SNX18: variants seen among roughly 807,000 people sequenced by gnomAD.
SNX18 encodes the protein sorting nexin-18.
In SNX18, 35 loss-of-function variants were observed where a neutral mutation model predicts 48.7. The ratio of observed to expected loss-of-function variants is 0.72; its 90% CI spans 0.55 to 0.95. The LOEUF (loss-of-function observed/expected upper bound fraction) is 0.95, where lower values mean the gene tolerates loss of function less well. Ranked by LOEUF, SNX18 falls within the 40% of genes least tolerant of loss-of-function variation. SNX18 has a pLI of 0.00. For missense variants in SNX18, 824 were observed against 871.0 expected (o/e 0.95, Z 0.68); for synonymous variants, 492 against 384.7 (o/e 1.28, Z -3.26).
At chr5:54,526,111 G>A (rs934309970) in intron 1 of SNX18, among the ~76,000 whole-genome samples, 58 of 152,190 alleles carry the variant, frequency 3.8e-4, no homozygotes, top group African/African-American at 1.3e-3. Context: ...GATAAATTAT[G>A]ACAGTTTTTT....
chr5:54,602,315 G>A, the SNX18 span, among the ~76,000 whole-genome samples: 1 of 152,312 alleles, frequency 6.6e-6, no homozygotes, highest in Middle Eastern at 3.4e-3. Context: ...AGAGAGGGCA[G>A]GCAATGGCCA....
chr5:54,586,812 A>G, the SNX18 span, among the ~76,000 whole-genome samples: 1 of 152,204 alleles, frequency 6.6e-6, no homozygotes, highest in African/African-American at 2.4e-5. Context: ...TGAAGCCAGC[A>G]GCAAAGTCAG....
chr5:54,645,046 G>C, the SNX18 span: 2 of 152,296 alleles, frequency 1.3e-5, no homozygotes, highest in Admixed American at 1.3e-4. Context: ...CAGGTGATTT[G>C]CATGCACAGT....
chr5:54,616,095 T>C, the SNX18 span, among the ~76,000 whole-genome samples: 2 of 152,200 alleles, frequency 1.3e-5, no homozygotes, highest in Admixed American at 1.3e-4. Flanking sequence ...CTTAGAGAAC[T>C]TTGCAAGGAA....
At chr5:54,625,607 G>T in the SNX18 span, among the ~76,000 whole-genome samples, 1 of 152,152 alleles carries the variant, frequency 6.6e-6, no homozygotes, top group Non-Finnish European at 1.5e-5. Flanking sequence ...GCATCCCATT[G>T]CTTTTGCTGT....
chr5:54,621,630 CACA>C, the SNX18 span, among the ~76,000 whole-genome samples: 2 of 152,108 alleles, frequency 1.3e-5, no homozygotes, highest in African/African-American at 4.8e-5. Context: ...AGATATCAAG[CACA>C]ACAACGTTAC....
the SNX18 span, among the ~76,000 whole-genome samples, chr5:54,616,837 TG>T: frequency 1.3e-5 from 2 of 152,156 alleles, no homozygotes; most frequent in African/African-American, 4.8e-5. Context: ...CTTCATAACT[TG>T]CCTGTGTTTT....
intron 1 of SNX18, among the ~76,000 whole-genome samples, chr5:54,528,324 T>C (rs1372112773): frequency 1.3e-5 from 2 of 152,162 alleles, no homozygotes; most frequent in East Asian, 1.9e-4. Context: ...CTTGCCCTCA[T>C]GGAAGGCCCA....
At chr5:54,529,549 G>T (rs1056559870) in intron 1 of SNX18, among the ~76,000 whole-genome samples, 3 of 152,140 alleles carry the variant, frequency 2.0e-5, no homozygotes, top group African/African-American at 7.2e-5. Flanking sequence ...TGACAAGCAG[G>T]TTAGGGGAGT....
chr5:54,626,705 C>T, the SNX18 span, among the ~76,000 whole-genome samples: 3 of 152,220 alleles, frequency 2.0e-5, no homozygotes, highest in Non-Finnish European at 4.4e-5. Context: ...CCAGGTAACC[C>T]TCTACACATC....
chr5:54,641,489 G>T, the SNX18 span, among the ~76,000 whole-genome samples: 27 of 152,188 alleles, frequency 1.8e-4, no homozygotes, highest in Non-Finnish European at 3.7e-4. Context: ...GAGCCATTCT[G>T]CCAGGAGTGG....
At chr5:54,539,019 C>G (rs1375495183) in intron 1 of SNX18, among the ~76,000 whole-genome samples, 1 of 152,068 alleles carries the variant, frequency 6.6e-6, no homozygotes, top group East Asian at 1.9e-4. Flanking sequence ...CCTTCATTGA[C>G]CATTTTATAT....
chr5:54,611,171 C>G, the SNX18 span, among the ~76,000 whole-genome samples: 1 of 152,178 alleles, frequency 6.6e-6, no homozygotes, highest in Admixed American at 6.5e-5. Context: ...CAGGCTGCTG[C>G]TAGTCCCTTG....
chr5:54,633,586 T>G, the SNX18 span, among the ~76,000 whole-genome samples: 1 of 152,196 alleles, frequency 6.6e-6, no homozygotes, highest in Non-Finnish European at 1.5e-5. Context: ...TGTGTCTCAG[T>G]TTCTCCATCT....
intron 1 of SNX18, among the ~76,000 whole-genome samples, chr5:54,523,777 C>T (rs1268085337): frequency 2.0e-5 from 3 of 152,144 alleles, no homozygotes; most frequent in African/African-American, 7.2e-5. Context: ...TTCCTTTTAC[C>T]ACTAGTAGAG....
At chr5:54,607,790 C>CGG in the SNX18 span, among the ~76,000 whole-genome samples, 1 of 151,982 alleles carries the variant, frequency 6.6e-6, no homozygotes, top group African/African-American at 2.4e-5. Flanking sequence ...AAAAATTAAC[C>CGG]GGGCGTGGTG....
chr5:54,550,168 G>T (rs1402497970), downstream of SNX18, among the ~76,000 whole-genome samples: 2 of 152,180 alleles, frequency 1.3e-5, no homozygotes, highest in Non-Finnish European at 2.9e-5. Context: ...TTACCCAGAT[G>T]CTAACTACAT....
chr5:54,557,549 T>C, the SNX18 span, among the ~76,000 whole-genome samples: 2 of 152,184 alleles, frequency 1.3e-5, no homozygotes, highest in South Asian at 4.1e-4. Context: ...TGATTCCACT[T>C]ATATGAGGTG....
At chr5:54,633,050 G>A in the SNX18 span, among the ~76,000 whole-genome samples, 1 of 152,114 alleles carries the variant, frequency 6.6e-6, no homozygotes, top group Admixed American at 6.6e-5. Flanking sequence ...TGGGATTACA[G>A]GTGAGCCACT....
Sources: allele counts gnomAD v4.1 joint callset (sites outside exome capture counted in the v4.1 genomes callset), GRCh38; gene constraint gnomAD v4.1.1; transcripts MANE v1.5; gene names NCBI Gene and HGNC (gene_info 2026-07-23, HGNC 2026-07-21).